The following CSTA variants were observed in gnomAD, a reference collection of about 807,000 sequenced individuals.
The protein encoded by CSTA is cystatin A, also known as cystatin-A.
In CSTA, 9 loss-of-function variants were observed where a neutral mutation model predicts 9.2. The observed-to-expected ratio is 0.97, with a 90% confidence interval of 0.59 to 1.70. CSTA has a LOEUF of 1.70. CSTA is among the 40% of genes most tolerant of loss of function. The pLI, the probability that CSTA is intolerant of heterozygous loss-of-function variation, is 0.00. For synonymous variants in CSTA, 36 were observed against 40.6 expected, an observed-to-expected ratio of 0.89 and a Z score of 0.43; for missense variants, 118 against 113.1, an observed-to-expected ratio of 1.04 and a Z score of -0.20.
At chr3:122,329,842 ACCT>A (rs1055090593) in intron 1 of CSTA, among the ~76,000 whole-genome samples, 2 of 152,176 alleles carry the variant, frequency 1.3e-5, no homozygotes, top group Non-Finnish European at 2.9e-5. Context: ...TGCTGGTCAA[ACCT>A]CCTTCCTTTC....
intron 1 of CSTA, among the ~76,000 whole-genome samples, chr3:122,327,252 A>G (rs4678183): frequency 0.1 from 14,211 of 140,230 alleles, 1,367 homozygotes; most frequent in East Asian, 0.47. Context: ...AAAAAGGGCC[A>G]GGCGCAGTGG....
intron 1 of CSTA, among the ~76,000 whole-genome samples, chr3:122,331,254 G>A (rs1233737824): frequency 6.6e-6 from 1 of 151,782 alleles, no homozygotes; most frequent in African/African-American, 2.4e-5. Flanking sequence ...TACCATCCTG[G>A]GCACACCCTG....
intron 1 of CSTA, among the ~76,000 whole-genome samples, chr3:122,329,311 C>T (rs901733419): frequency 2.6e-5 from 4 of 151,128 alleles, no homozygotes; most frequent in Admixed American, 6.6e-5. Flanking sequence ...CGGTGGCTCT[C>T]GGCTGTAATC....
chr3:122,337,771 T>C, intron 2 of CSTA, 123 bp downstream of exon 2: 1 of 798,612 alleles, frequency 1.3e-6, no homozygotes, highest in Non-Finnish European at 2.2e-6. Flanking sequence ...ATGCCCAGCA[T>C]GATTCCTTCC....
chr3:122,335,895 G>A (rs888434219), intron 1 of CSTA, among the ~76,000 whole-genome samples: 18 of 151,708 alleles, frequency 1.2e-4, no homozygotes, highest in Admixed American at 1.2e-3. Context: ...GCCTCCCAAA[G>A]TGCTGGGATT....
At position 122,341,786 on chromosome 3, in the gene CSTA, A is replaced by C; in HGVS notation, c.*219A>C. On this transcript the variant is annotated 3_prime_UTR_variant, in exon 3 of 3. Transcript: ENST00000264474. Reference sequence around the variant, plus strand: ...CCATATAAATTGATGGCAATTGGAAATCTTATAAAAACTAGTCAAGCCTAA... The same window carrying C: ...CCATATAAATTGATGGCAATTGGAACTCTTATAAAAACTAGTCAAGCCTAA... 1.8e-6 allele frequency: 1 copy of C among 562,386 alleles called. No homozygotes were observed. Among genetic ancestry groups the C allele is most frequent in the Non-Finnish European group, 3.0e-6 (1 of 329,690 alleles). 34.8% of individuals were successfully genotyped at this position (562,386 alleles called of 1,614,324 possible).
In CSTA at chr3:122,325,312, C is replaced by T. The variant is rs751662705; in HGVS notation, c.20C>T (p.Ser7Phe). 1.6e-5 allele frequency: 26 copies of T among 1,613,618 alleles called. No individual in the cohort carries two copies. Among genetic ancestry groups the T allele is most frequent in the Admixed American group, 5.0e-5 (3 of 60,004 alleles). The change falls in exon 1 of 3, where the codon TCT becomes TTT. Residue 7 changes from serine (S) to phenylalanine (F), a missense_variant. Coordinates refer to ENST00000264474, the MANE Select transcript of CSTA (RefSeq NM_005213.4). MIPGGL[S>F]EAKPATPEIQ... Reference sequence around the variant, plus strand: ...GCCAAAATGATACCTGGAGGCTTATCTGAGGCCAAACCCGCCACTCCAGAA... The same window carrying T: ...GCCAAAATGATACCTGGAGGCTTATTTGAGGCCAAACCCGCCACTCCAGAA...
In CSTA at chr3:122,341,528, G is replaced by C; in HGVS notation, c.258G>C (p.Gln86His). Residue 86 changes from glutamine to histidine, a missense_variant, in exon 3 of 3, where the codon CAG becomes CAC. Coordinates refer to ENST00000264474, the MANE Select transcript of CSTA (RefSeq NM_005213.4). Reference sequence around the variant, plus strand: ...AGGACTTGGTACTTACTGGATACCAGGTTGACAAAAACAAGGATGACGAGC... The same window carrying C: ...AGGACTTGGTACTTACTGGATACCACGTTGACAAAAACAAGGATGACGAGC... ...QNEDLVLTGY[Q>H]VDKNKDDELT... 1 of 1,614,138 alleles carries C rather than the reference G, an allele frequency of 6.2e-7. No individual in the cohort carries two copies. Among genetic ancestry groups the C allele is most frequent in the African/African-American group, 1.3e-5 (1 of 75,038 alleles).
intron 1 of CSTA, among the ~76,000 whole-genome samples, chr3:122,326,090 C>A (rs1418091485): frequency 6.6e-6 from 1 of 152,164 alleles, no homozygotes; most frequent in East Asian, 1.9e-4. Context: ...CTGATCACGG[C>A]TCACTGTAGC....
intron 1 of CSTA, among the ~76,000 whole-genome samples, chr3:122,328,865 CAGG>C (rs994334608): frequency 1.3e-5 from 2 of 151,496 alleles, no homozygotes; most frequent in African/African-American, 4.8e-5. Context: ...TGCTTGAGCT[CAGG>C]AGGTGGAGGT....
intron 2 of CSTA, among the ~76,000 whole-genome samples, chr3:122,340,600 G>T (rs1026815708): frequency 2.0e-5 from 3 of 152,166 alleles, no homozygotes; most frequent in Non-Finnish European, 2.9e-5. Context: ...CACAGTGCCC[G>T]GCTGGCCCCT....
At chr3:122,340,931 C>T (rs750038606) in intron 2 of CSTA, among the ~76,000 whole-genome samples, 29 of 134,742 alleles carry the variant, frequency 2.2e-4, no homozygotes, top group Non-Finnish European at 3.9e-4. Flanking sequence ...TCTTGCCATG[C>T]CATTAGTCTA....
Position 122,341,574 on chromosome 3 carries a change from G to A in CSTA, c.*7G>A, listed in dbSNP as rs2075265494. 1.2e-6 allele frequency: 2 copies of A among 1,614,094 alleles called. No individual in the cohort carries two copies. The highest frequency in any genetic ancestry group is 1.7e-6 in the Non-Finnish European group (2 of 1,179,990). ...CGAGCTGACGGGCTTTTAGCAGCATGTACCCAAAGTGTTCTGATTCCTTCA... is the reference window on the plus strand; with the variant it reads ...CGAGCTGACGGGCTTTTAGCAGCATATACCCAAAGTGTTCTGATTCCTTCA... On this transcript the variant is annotated 3_prime_UTR_variant, in exon 3 of 3. Coordinates refer to ENST00000264474, the MANE Select transcript of CSTA (RefSeq NM_005213.4).
At position 122,341,855 on chromosome 3, in the gene CSTA, G is replaced by A. The variant is rs2075267676; in HGVS notation, c.*288G>A. On this transcript the variant is annotated 3_prime_UTR_variant, in exon 3 of 3. Coordinates refer to ENST00000264474, the MANE Select transcript of CSTA (RefSeq NM_005213.4). Reference sequence around the variant, plus strand: ...AGTACCACCCTCACCCCCACCATAGGCAGGCTGGATCGTGGACTATCAATT... The same window carrying A: ...AGTACCACCCTCACCCCCACCATAGACAGGCTGGATCGTGGACTATCAATT... The A allele has an allele frequency of 7.7e-6, 3 of 388,010 alleles. No individual in the cohort carries two copies. In the East Asian group the frequency reaches 1.7e-4, roughly 23 times the overall value. 24.0% of individuals were successfully genotyped at this position (388,010 alleles called of 1,614,324 possible).
intron 2 of CSTA, among the ~76,000 whole-genome samples, chr3:122,339,856 C>T (rs146775614): frequency 6.9e-4 from 105 of 152,180 alleles, no homozygotes; most frequent in South Asian, 5.2e-3. Flanking sequence ...TCAGTACCCC[C>T]CAAAAATGTT....
intron 1 of CSTA, among the ~76,000 whole-genome samples, chr3:122,330,415 C>G (rs977897948): frequency 3.9e-5 from 6 of 152,004 alleles, no homozygotes; most frequent in African/African-American, 7.3e-5. Context: ...GGAAGAGTGT[C>G]AAAGACAAAT....
intron 1 of CSTA, among the ~76,000 whole-genome samples, chr3:122,334,883 G>A (rs72972705): frequency 0.018 from 2,697 of 152,248 alleles, 77 homozygotes; most frequent in African/African-American, 0.062. Flanking sequence ...TCACAATGGC[G>A]CAGGCATGAG....
In CSTA at chr3:122,332,835, G is replaced by A. The variant is rs369963441; in HGVS notation, c.67-4712G>A. Among the ~76,000 whole-genome samples, 38 of 152,234 alleles carry A rather than the reference G, an allele frequency of 2.5e-4. 1 individual carries two copies. The highest frequency in any genetic ancestry group is 3.5e-4 in the Non-Finnish European group (24 of 68,020). Reference sequence around the variant, plus strand: ...CGTTCACCGCCAGTCTCCCACCACCGTTCCCAGCTGGCCTGCATCCTCCTA... The same window carrying A: ...CGTTCACCGCCAGTCTCCCACCACCATTCCCAGCTGGCCTGCATCCTCCTA... On this transcript the variant is annotated intron_variant, in intron 1 of 2. Coordinates refer to ENST00000264474, the MANE Select transcript of CSTA (RefSeq NM_005213.4).
intron 1 of CSTA, among the ~76,000 whole-genome samples, chr3:122,326,348 G>T: frequency 6.6e-6 from 1 of 152,022 alleles, no homozygotes; most frequent in African/African-American, 2.4e-5. Flanking sequence ...ATTTTTCTTT[G>T]TGTGATTAGC....
Sources: gnomAD v4.1 joint callset for allele counts (sites outside exome capture counted in the v4.1 genomes callset) on GRCh38, gnomAD v4.1.1 for gene constraint, MANE v1.5 for transcripts, NCBI Gene and HGNC (gene_info 2026-07-23, HGNC 2026-07-21) for gene names.